The following RIMS2 variants were observed in gnomAD, a reference collection of about 807,000 sequenced individuals.
RIMS2 encodes regulating synaptic membrane exocytosis 2, also known as regulating synaptic membrane exocytosis protein 2.
Under a neutral mutation model 174.4 loss-of-function variants are expected in RIMS2, and 59 were observed. The ratio of observed to expected loss-of-function variants is 0.34; its 90% confidence interval spans 0.27 to 0.42. RIMS2 has a LOEUF of 0.42. Ranked by LOEUF, RIMS2 falls within the 10% of genes least tolerant of loss-of-function variation. The pLI is 1.00. For synonymous variants in RIMS2, 606 were observed against 572.5 expected, an observed-to-expected ratio of 1.06 and a Z score of -0.84; for missense variants, 1,620 against 1,666.3, an observed-to-expected ratio of 0.97 and a Z score of 0.48.
intron 19 of RIMS2, chr8:104,094,665 G>T (rs1284919300): frequency 1.4e-6 from 1 of 700,910 alleles, no homozygotes; most frequent in Non-Finnish European, 2.6e-6. Context: ...ACACGAGCAA[G>T]GGAAAGAAAA....
intron 4 of RIMS2, among the ~76,000 whole-genome samples, chr8:103,908,530 T>C (rs2074992270): frequency 6.6e-6 from 1 of 152,208 alleles, no homozygotes; most frequent in East Asian, 1.9e-4. Flanking sequence ...AGTAATTCCC[T>C]GTTACCCTTC....
In RIMS2 at chr8:103,698,213, C is replaced by T. The variant is rs563571283; in HGVS notation, c.387+917C>T. 1.1e-4 allele frequency among the ~76,000 whole-genome samples: 16 copies of T among 152,228 alleles called. No homozygotes were observed. In the Middle Eastern group the frequency reaches 0.014, roughly 129 times the overall value. On this transcript the variant is annotated intron_variant, in intron 2 of 23. Coordinates refer to ENST00000504942, the Ensembl canonical transcript of RIMS2. ...AACTAACCACTTATAATTGTTTCCC[C>T]TGGATTACCTGATTATGATTTTTTT...
chr8:104,003,049 T>TC (rs1179457984), intron 17 of RIMS2, among the ~76,000 whole-genome samples: 1 of 152,188 alleles, frequency 6.6e-6, no homozygotes, highest in Non-Finnish European at 1.5e-5. Flanking sequence ...ATATACCCTT[T>TC]ATTTTAATAA....
chr8:103,624,179 T>C (rs2095717087), intron 1 of RIMS2, among the ~76,000 whole-genome samples: 1 of 152,180 alleles, frequency 6.6e-6, no homozygotes, highest in African/African-American at 2.4e-5. Flanking sequence ...TGTCTGTGAA[T>C]GTGTTTCCAG....
At chr8:103,619,248 C>T (rs1004974754) in intron 1 of RIMS2, among the ~76,000 whole-genome samples, 5 of 149,116 alleles carry the variant, frequency 3.4e-5, no homozygotes, top group African/African-American at 1.3e-4. Flanking sequence ...TTATTAGTGT[C>T]TGTTCTGTAA....
intron 15 of RIMS2, among the ~76,000 whole-genome samples, chr8:103,971,194 A>T (rs2154547723): frequency 1.3e-5 from 2 of 152,286 alleles, no homozygotes; most frequent in Middle Eastern, 6.8e-3. Flanking sequence ...ATACACACAA[A>T]TGTAAATAAT....
intron 1 of RIMS2, among the ~76,000 whole-genome samples, chr8:103,608,209 C>T (rs1377669320): frequency 7.0e-6 from 1 of 143,188 alleles, no homozygotes; most frequent in Admixed American, 6.8e-5. Context: ...GTTAGTTTTC[C>T]TTCTAACAGA....
intron 4 of RIMS2, among the ~76,000 whole-genome samples, chr8:103,896,722 G>A (rs1415819157): frequency 1.3e-5 from 2 of 151,526 alleles, no homozygotes; most frequent in Non-Finnish European, 2.9e-5. Flanking sequence ...GGTCCAAAAT[G>A]ACTTATTTTG....
chr8:104,198,474 C>T (rs1014315082), intron 19 of RIMS2, among the ~76,000 whole-genome samples: 2 of 152,154 alleles, frequency 1.3e-5, no homozygotes, highest in African/African-American at 2.4e-5. Flanking sequence ...GCAAGGAAAA[C>T]AATGATTATT....
chr8:103,804,631 G>A (rs894856837), intron 3 of RIMS2, among the ~76,000 whole-genome samples: 2 of 152,158 alleles, frequency 1.3e-5, no homozygotes, highest in African/African-American at 4.8e-5. Flanking sequence ...GAATAGATAG[G>A]AATATGTTTA....
intron 1 of RIMS2, among the ~76,000 whole-genome samples, chr8:103,646,580 TC>T (rs1252118696): frequency 2.0e-5 from 3 of 152,102 alleles, no homozygotes; most frequent in Non-Finnish European, 2.9e-5. Flanking sequence ...GTTTGTTGTT[TC>T]CCCCATGTGT....
chr8:104,250,335 C>T lies in RIMS2; in HGVS notation c.3692-689C>T, dbSNP rs1210138290. Among the ~76,000 whole-genome samples the T allele has an allele frequency of 3.3e-5, 5 of 152,254 alleles. No homozygotes were observed. In the South Asian group the frequency reaches 1.0e-3, roughly 32 times the overall value. Reference sequence around the variant, plus strand: ...TCTACTGATTGACTTGTAACTTTCACTCTGAACTTTTCTATCCTTGCAGAA... The same window carrying T: ...TCTACTGATTGACTTGTAACTTTCATTCTGAACTTTTCTATCCTTGCAGAA... On this transcript the variant is annotated intron_variant, in intron 22 of 23. Coordinates refer to ENST00000504942, the Ensembl canonical transcript of RIMS2.
intron 3 of RIMS2, among the ~76,000 whole-genome samples, chr8:103,872,580 T>G (rs1181425342): frequency 3.3e-5 from 5 of 152,224 alleles, no homozygotes; most frequent in African/African-American, 1.2e-4. Flanking sequence ...AACAGAGACC[T>G]GTCTTCCTCT....
At chr8:104,093,667 TTC>T (rs1213566846) in intron 19 of RIMS2, 24 bp downstream of exon 24, 22 of 1,561,846 alleles carry the variant, frequency 1.4e-5, no homozygotes, top group Non-Finnish European at 1.6e-5. Flanking sequence ...AACAACAAAC[TTC>T]TCTAAATATG....
chr8:103,912,981 T>G (rs1226313685), intron 6 of RIMS2, among the ~76,000 whole-genome samples: 1 of 146,480 alleles, frequency 6.8e-6, no homozygotes, highest in Non-Finnish European at 1.5e-5. Flanking sequence ...TTTTTTTTTT[T>G]TTTTTTTTTG....
At chr8:104,224,375 A>G (rs181912502) in intron 19 of RIMS2, among the ~76,000 whole-genome samples, 32 of 152,196 alleles carry the variant, frequency 2.1e-4, no homozygotes, top group Admixed American at 2.0e-3. Flanking sequence ...GAGGAGGAGG[A>G]CTCGCTGTTT....
intron 15 of RIMS2, among the ~76,000 whole-genome samples, chr8:103,968,325 C>T (rs2092398014): frequency 6.6e-6 from 1 of 151,930 alleles, no homozygotes; most frequent in South Asian, 2.1e-4. Context: ...AAATGAGTGA[C>T]ATTTAAAGTG....
intron 3 of RIMS2, among the ~76,000 whole-genome samples, chr8:103,874,446 C>A (rs567720128): frequency 2.6e-5 from 4 of 152,044 alleles, no homozygotes; most frequent in African/African-American, 9.7e-5. Flanking sequence ...CAACAACAGA[C>A]TTCATTACAG....
At chr8:103,603,618 T>A (rs1010371976) in intron 1 of RIMS2, among the ~76,000 whole-genome samples, 1 of 151,486 alleles carries the variant, frequency 6.6e-6, no homozygotes, top group African/African-American at 2.4e-5. Flanking sequence ...CCACCAACAG[T>A]GTAAAAGTGT....
Sources: allele counts gnomAD v4.1 joint callset (sites outside exome capture counted in the v4.1 genomes callset), GRCh38; gene constraint gnomAD v4.1.1; transcripts MANE v1.5; gene names NCBI Gene and HGNC (gene_info 2026-07-23, HGNC 2026-07-21).